The following MALRD1 variants were observed in gnomAD, a reference collection of about 807,000 sequenced individuals.
MALRD1 encodes MAM and LDL receptor class A domain containing 1.
Under a neutral mutation model 242.1 loss-of-function variants are expected in MALRD1, and 247 were observed. That is an observed-to-expected ratio of 1.02 (90% CI 0.92 to 1.13). The LOEUF is 1.13. Ranked by LOEUF, MALRD1 falls within the 50% of genes most tolerant of loss-of-function variation. The pLI is 0.00. For synonymous variants in MALRD1, 995 were observed against 866.6 expected, an observed-to-expected ratio of 1.15 and a Z score of -2.60; for missense variants, 2,989 against 2,533.1, an observed-to-expected ratio of 1.18 and a Z score of -3.86.
intron 29 of MALRD1, among the ~76,000 whole-genome samples, chr10:19,453,287 C>A (rs1835427893): frequency 6.6e-6 from 1 of 152,042 alleles, no homozygotes; most frequent in Non-Finnish European, 1.5e-5. Flanking sequence ...TGTATGCTAC[C>A]ATTGATATGA....
intron 29 of MALRD1, among the ~76,000 whole-genome samples, chr10:19,482,542 AG>A (rs1837039032): frequency 6.6e-6 from 1 of 151,882 alleles, no homozygotes; most frequent in East Asian, 1.9e-4. Flanking sequence ...CTCTTCCAGA[AG>A]GCCCCTGTAA....
At chr10:19,481,625 A>G (rs1199317421) in intron 29 of MALRD1, among the ~76,000 whole-genome samples, 1 of 152,174 alleles carries the variant, frequency 6.6e-6, no homozygotes, top group African/African-American at 2.4e-5. Flanking sequence ...TTATGTAAAT[A>G]TGAATCTTCT....
rs1296618641 is a variant in MALRD1, at chr10:19,393,545, A to C, written c.4845+3936A>C. Among the ~76,000 whole-genome samples the C allele has an allele frequency of 2.8e-5, 4 of 145,440 alleles. No individual in the cohort carries two copies. The South Asian group carries it at 6.4e-4, about 23-fold the overall frequency. On this transcript the variant is annotated intron_variant, in intron 28 of 39. Coordinates refer to ENST00000454679, the MANE Select transcript of MALRD1 (RefSeq NM_001142308.3). ...ACTGCAAGCTCCGTCTCCCGGGTTC[A>C]TGCCATTCTCCTGCCTCAGCCTCCC...
chr10:19,396,511 GA>G lies in MALRD1; in HGVS notation c.4845+6903del, dbSNP rs1846586715. ...ATCTTCAAAATAAGATGGCAAGGAA[GA>G]TACTTTGTTTTCTAATTTTACAGAC... On this transcript the variant is annotated intron_variant, in intron 28 of 39. Transcript: ENST00000454679. 2.0e-5 allele frequency among the ~76,000 whole-genome samples: 3 copies of G among 152,086 alleles called. No homozygotes were observed. The South Asian group carries it at 6.2e-4, about 31-fold the overall frequency.
intron 32 of MALRD1, among the ~76,000 whole-genome samples, chr10:19,537,428 A>G (rs1200586854): frequency 6.6e-6 from 1 of 152,094 alleles, no homozygotes; most frequent in Non-Finnish European, 1.5e-5. Flanking sequence ...GGGGCTGGCA[A>G]GTTTGGTGTC....
intron 24 of MALRD1, among the ~76,000 whole-genome samples, chr10:19,346,205 A>C (rs1300767673): frequency 2.0e-5 from 3 of 152,202 alleles, no homozygotes; most frequent in Non-Finnish European, 2.9e-5. Context: ...AGAAACAAAC[A>C]AACAAAAACC....
Position 19,312,412 on chromosome 10 carries a change from G to A in MALRD1, c.3420-11537G>A, listed in dbSNP as rs1270761620. Among the ~76,000 whole-genome samples the A allele has an allele frequency of 4.6e-3, 668 of 146,396 alleles. 5 individuals are homozygous for A. The highest frequency in any genetic ancestry group is 0.016 in the African/African-American group (626 of 38,966). ...TATATATATATATATGTGTATATGT[G>A]TGTGTGTGTGTGTGTGAGAGAGAGA... On this transcript the variant is annotated intron_variant, in intron 21 of 39. Coordinates refer to ENST00000454679, the MANE Select transcript of MALRD1 (RefSeq NM_001142308.3).
At chr10:19,237,593 T>A (rs1397310366) in intron 18 of MALRD1, among the ~76,000 whole-genome samples, 14 of 6,824 alleles carry the variant, frequency 2.1e-3, no homozygotes, top group Admixed American at 0.015. Context: ...ATTATATAAT[T>A]ATATAATTAT....
At chr10:19,056,265 G>A (rs1044458299) in intron 1 of MALRD1, among the ~76,000 whole-genome samples, 3 of 151,720 alleles carry the variant, frequency 2.0e-5, no homozygotes, top group Non-Finnish European at 4.4e-5. Context: ...CATTAAATCT[G>A]TAGATCGCTT....
At chr10:19,587,302 G>C (rs527641982) in intron 33 of MALRD1, among the ~76,000 whole-genome samples, 2 of 152,202 alleles carry the variant, frequency 1.3e-5, no homozygotes, top group Non-Finnish European at 2.9e-5. Context: ...GCCAGAGACA[G>C]TTACCCATTT....
chr10:19,351,045 A>G (rs1844353797), intron 25 of MALRD1, among the ~76,000 whole-genome samples: 1 of 152,216 alleles, frequency 6.6e-6, no homozygotes, highest in South Asian at 2.1e-4. Flanking sequence ...GGGTAGAGTC[A>G]CTGCATGGCT....
intron 29 of MALRD1, among the ~76,000 whole-genome samples, chr10:19,455,392 A>G (rs1267077502): frequency 6.6e-6 from 1 of 152,222 alleles, no homozygotes; most frequent in Non-Finnish European, 1.5e-5. Context: ...AATACTAAAT[A>G]GTATTTATGT....
chr10:19,419,654 C>T (rs1833645213), intron 28 of MALRD1, among the ~76,000 whole-genome samples: 1 of 152,102 alleles, frequency 6.6e-6, no homozygotes, highest in Non-Finnish European at 1.5e-5. Context: ...AATCCTTTTA[C>T]TCGTCAAATC....
chr10:19,692,328 C>A lies in MALRD1; in HGVS notation c.6184C>A (p.Pro2062Thr). ...KGNRCHIKFN[P>T]PATDFTYAQN... is the part of the protein sequence containing the mutation. ...AAATCGATGCCATATCAAGTTTAAT[C>A]CTCCTGCTACAGACTTCACATACGC... is the stretch of plus-strand genomic sequence containing the variant. Residue 2062 changes from proline (P) to threonine (T), a missense_variant, in exon 37 of 40, where the codon CCT becomes ACT. Transcript: ENST00000454679. The A allele has an allele frequency of 6.5e-7, 1 of 1,535,384 alleles. No homozygotes were observed. The highest frequency in any genetic ancestry group is 8.7e-7 in the Non-Finnish European group (1 of 1,146,480).
At chr10:19,605,120 A>G (rs1343689382) in intron 34 of MALRD1, among the ~76,000 whole-genome samples, 1 of 151,482 alleles carries the variant, frequency 6.6e-6, no homozygotes, top group African/African-American at 2.4e-5. Context: ...ACCCTAGACA[A>G]TTTCTACCAT....
intron 21 of MALRD1, among the ~76,000 whole-genome samples, chr10:19,289,867 T>C (rs1272322797): frequency 6.6e-6 from 1 of 152,196 alleles, no homozygotes; most frequent in East Asian, 1.9e-4. Context: ...GAAGGCTTTC[T>C]GTCAATTCTT....
At chr10:19,269,803 T>C (rs553127650) in intron 19 of MALRD1, among the ~76,000 whole-genome samples, 1 of 152,342 alleles carries the variant, frequency 6.6e-6, no homozygotes, top group African/African-American at 2.4e-5. Flanking sequence ...GTAATGAGAA[T>C]AGGACTAAGA....
chr10:19,438,627 A>G (rs1834459036), intron 28 of MALRD1, among the ~76,000 whole-genome samples: 1 of 152,124 alleles, frequency 6.6e-6, no homozygotes, highest in East Asian at 1.9e-4. Flanking sequence ...CAACGTGCAC[A>G]AGAATTCCTA....
At chr10:19,696,917 CA>C (rs908924138) in intron 38 of MALRD1, among the ~76,000 whole-genome samples, 15 of 151,458 alleles carry the variant, frequency 9.9e-5, no homozygotes, top group Non-Finnish European at 1.3e-4. Flanking sequence ...CTCCAGAAAA[CA>C]AAAAAAGACT....
Sources: gnomAD v4.1 joint callset for allele counts (sites outside exome capture counted in the v4.1 genomes callset) on GRCh38, gnomAD v4.1.1 for gene constraint, MANE v1.5 for transcripts, NCBI Gene and HGNC (gene_info 2026-07-23, HGNC 2026-07-21) for gene names.